Variants in TSPAN18 observed in about 807,000 individuals in gnomAD.
The protein encoded by TSPAN18 is tetraspanin-18.
A neutral mutation model predicts 27.3 loss-of-function variants in TSPAN18; 14 were observed. The ratio of observed to expected loss-of-function variants is 0.51; its 90% CI spans 0.34 to 0.80. The LOEUF (loss-of-function observed/expected upper bound fraction) is 0.80, where lower values mean the gene tolerates loss of function less well. Ranked by LOEUF, TSPAN18 falls within the 30% of genes least tolerant of loss-of-function variation. The pLI, the probability that TSPAN18 is intolerant of heterozygous loss-of-function variation, is 0.01. For missense variants in TSPAN18, 268 were observed against 323.9 expected, an observed-to-expected ratio of 0.83 and a Z score of 1.32; for synonymous variants, 143 against 136.5, an observed-to-expected ratio of 1.05 and a Z score of -0.33.
intron 2 of TSPAN18, among the ~76,000 whole-genome samples, chr11:44,796,275 T>C (rs1259046325): frequency 1.3e-5 from 2 of 152,168 alleles, no homozygotes; most frequent in East Asian, 3.9e-4. Context: ...CTGAGGTGTA[T>C]GTTTTGTGCA....
chr11:44,884,531 G>T (rs545900577), intron 3 of TSPAN18, among the ~76,000 whole-genome samples: 1 of 152,292 alleles, frequency 6.6e-6, no homozygotes, highest in South Asian at 2.1e-4. Context: ...CCCCCTGTGC[G>T]GTTCAGCCCC....
At position 44,779,407 on chromosome 11, in the gene TSPAN18, C is replaced by T. The variant is rs533573247; in HGVS notation, c.-153+14895C>T. Among the ~76,000 whole-genome samples, 10 of 152,314 alleles carry T rather than the reference C, an allele frequency of 6.6e-5. No homozygotes were observed. The South Asian group carries it at 1.0e-3, about 16-fold the overall frequency. On this transcript the variant is annotated intron_variant, in intron 2 of 9. Transcript: ENST00000520358. ...GTGTTCAGTGAAGGCCCCTCCTTGA[C>T]CTGCTCTGGGCAGGAGTGACTAGGA... is the stretch of plus-strand genomic sequence containing the variant.
At chr11:44,848,694 GC>G (rs1857535254) in intron 2 of TSPAN18, among the ~76,000 whole-genome samples, 1 of 152,262 alleles carries the variant, frequency 6.6e-6, no homozygotes, top group African/African-American at 2.4e-5. Flanking sequence ...ACCCAGGGAA[GC>G]AATCATTGGG....
intron 5 of TSPAN18, among the ~76,000 whole-genome samples, chr11:44,910,395 G>C (rs1179966125): frequency 6.6e-6 from 1 of 152,230 alleles, no homozygotes; most frequent in African/African-American, 2.4e-5. Flanking sequence ...TTTTCCATCT[G>C]CCTTGGTGGC....
intron 1 of TSPAN18, among the ~76,000 whole-genome samples, chr11:44,733,024 A>G (rs1854701450): frequency 6.6e-6 from 1 of 152,196 alleles, no homozygotes; most frequent in South Asian, 2.1e-4. Context: ...GATGGGGAAG[A>G]GGGAGAAGGG....
At chr11:44,900,121 C>T (rs1859204108) in intron 3 of TSPAN18, among the ~76,000 whole-genome samples, 1 of 152,192 alleles carries the variant, frequency 6.6e-6, no homozygotes, top group South Asian at 2.1e-4. Context: ...AGCTAACAGC[C>T]AGGCAGGGAT....
intron 3 of TSPAN18, among the ~76,000 whole-genome samples, chr11:44,871,820 C>G (rs1858203872): frequency 6.6e-6 from 1 of 152,210 alleles, no homozygotes; most frequent in East Asian, 1.9e-4. Context: ...TACCCTTGGA[C>G]TTGGAGGCAG....
intron 2 of TSPAN18, among the ~76,000 whole-genome samples, chr11:44,787,575 T>C (rs911603559): frequency 2.0e-5 from 3 of 152,250 alleles, no homozygotes; most frequent in Non-Finnish European, 4.4e-5. Flanking sequence ...TTGGCTTCCC[T>C]GTGCCTCTGT....
chr11:44,900,482 T>A (rs1859218291), intron 3 of TSPAN18, among the ~76,000 whole-genome samples: 1 of 152,164 alleles, frequency 6.6e-6, no homozygotes, highest in African/African-American at 2.4e-5. Context: ...GACAAGTGAT[T>A]CCACCTCTCC....
At position 44,919,278 on chromosome 11, in the gene TSPAN18, T is replaced by G; in HGVS notation, c.398T>G (p.Val133Gly). Residue 133 changes from valine (V) to glycine (G), a missense_variant, in exon 7 of 10, where the codon GTC (valine) becomes GGC (glycine). Coordinates refer to ENST00000520358, the MANE Select transcript of TSPAN18 (RefSeq NM_130783.5). Reference protein sequence around the residue: ...KHYQGNNDTDVFSATWNSVMI... With the variant: ...KHYQGNNDTDGFSATWNSVMI... ...TACCAGGGCAATAACGACACAGACG[T>G]CTTCTCTGCCACCTGGAACTCGGTC... 1.2e-6 allele frequency: 2 copies of G among 1,614,010 alleles called. No individual in the cohort carries two copies. Among genetic ancestry groups the G allele is most frequent in the Non-Finnish European group, 1.7e-6 (2 of 1,179,980 alleles).
chr11:44,778,234 G>A (rs1196260017), intron 2 of TSPAN18, among the ~76,000 whole-genome samples: 15 of 152,034 alleles, frequency 9.9e-5, no homozygotes, highest in Admixed American at 9.2e-4. Flanking sequence ...TAGCCAGAAG[G>A]AGCACACCTC....
chr11:44,741,080 C>CGG (rs1407618788), intron 1 of TSPAN18, among the ~76,000 whole-genome samples: 5 of 152,140 alleles, frequency 3.3e-5, no homozygotes, highest in Admixed American at 1.3e-4. Context: ...GAGTCTTGAA[C>CGG]GGGGAACATG....
chr11:44,873,914 C>G (rs1858260580), intron 3 of TSPAN18, among the ~76,000 whole-genome samples: 1 of 152,218 alleles, frequency 6.6e-6, no homozygotes, highest in East Asian at 1.9e-4. Context: ...CTTATATGAT[C>G]TGGGCCCTCC....
rs1430543542 is a variant in TSPAN18, at chr11:44,762,627, G to A, written c.-239-1799G>A. On this transcript the variant is annotated intron_variant, in intron 1 of 9. Coordinates refer to ENST00000520358, the MANE Select transcript of TSPAN18 (RefSeq NM_130783.5). The stretch of plus-strand genomic sequence containing the variant: ...TATATATACACATATGTGTGTGTGT[G>A]TGTGTGTGTTTGTGTGTGTGTGTTT... Among the ~76,000 whole-genome samples the A allele has an allele frequency of 3.3e-5, 5 of 152,234 alleles. No homozygotes were observed. The South Asian group carries it at 1.0e-3, about 32-fold the overall frequency.
At chr11:44,856,800 C>T (rs374869932) in intron 2 of TSPAN18, among the ~76,000 whole-genome samples, 16 of 152,076 alleles carry the variant, frequency 1.1e-4, no homozygotes, top group African/African-American at 3.6e-4. Flanking sequence ...AAATACTTGT[C>T]CAAGTTCTAC....
chr11:44,734,080 CCT>C (rs1480503796), intron 1 of TSPAN18, among the ~76,000 whole-genome samples: 2 of 152,094 alleles, frequency 1.3e-5, no homozygotes, highest in African/African-American at 4.8e-5. Flanking sequence ...TCCTCCCTCC[CCT>C]CTCTCTTGCT....
rs1033964315 is a variant in TSPAN18 at position 44,727,070 on chromosome 11, C to T, written c.-457C>T. 3.6e-5 allele frequency: 5 copies of T among 139,374 alleles called. No individual in the cohort carries two copies. The highest frequency in any genetic ancestry group is 1.3e-4 in the African/African-American group (5 of 38,540). The allele number at this position is 139,374 out of a possible 1,614,324, so 8.6% of individuals were successfully genotyped here. On this transcript the variant is annotated 5_prime_UTR_variant, in exon 1 of 10. Coordinates refer to ENST00000520358, the MANE Select transcript of TSPAN18 (RefSeq NM_130783.5). ...CGAGCCCCAGCCCCGGCCCCGGCCCCAGCCCCGGCCCCGGCCCCGGCCCCG... is the reference window on the plus strand; with the variant it reads ...CGAGCCCCAGCCCCGGCCCCGGCCCTAGCCCCGGCCCCGGCCCCGGCCCCG...
At chr11:44,923,093 A>G (rs1198583420) in intron 8 of TSPAN18, among the ~76,000 whole-genome samples, 1 of 152,224 alleles carries the variant, frequency 6.6e-6, no homozygotes, top group Non-Finnish European at 1.5e-5. Context: ...TGGGCAGCAC[A>G]GTGAGACTCC....
At chr11:44,907,577 C>CA (rs1335220571) in intron 4 of TSPAN18, among the ~76,000 whole-genome samples, 1 of 152,170 alleles carries the variant, frequency 6.6e-6, no homozygotes, top group Non-Finnish European at 1.5e-5. Flanking sequence ...ATTCTAGACC[C>CA]AAGGTCACCA....
Sources: allele counts gnomAD v4.1 joint callset (sites outside exome capture counted in the v4.1 genomes callset), GRCh38; gene constraint gnomAD v4.1.1; transcripts MANE v1.5; gene names NCBI Gene and HGNC (gene_info 2026-07-23, HGNC 2026-07-21).